The following FBXO8 variants were observed in gnomAD, a reference collection of about 807,000 sequenced individuals.
FBXO8 encodes F-box protein 8, also known as F-box only protein 8.
In FBXO8, 15 loss-of-function variants were observed where a neutral mutation model predicts 33.4. The ratio of observed to expected loss-of-function variants is 0.45; its 90% CI spans 0.30 to 0.69. FBXO8 has a LOEUF of 0.69. Among genes scored for constraint, FBXO8 ranks in the 30% least tolerant of loss-of-function variants. The probability of loss-of-function intolerance (pLI) is 0.08; values close to 1 mark genes in which losing one functional copy is unlikely to be tolerated. For synonymous variants in FBXO8, 132 were observed against 131.5 expected, an observed-to-expected ratio of 1.00 and a Z score of -0.02; for missense variants, 274 against 380.3, an observed-to-expected ratio of 0.72 and a Z score of 2.32.
chr4:174,279,249 T>C (rs942624606), intron 1 of FBXO8, among the ~76,000 whole-genome samples: 5 of 151,878 alleles, frequency 3.3e-5, no homozygotes, highest in African/African-American at 9.7e-5. Context: ...AAAAGGAAAT[T>C]AAGAAAATAA....
chr4:174,275,307 G>T lies in FBXO8; in HGVS notation c.-9+8103C>A, dbSNP rs1736935144. Among the ~76,000 whole-genome samples the T allele has an allele frequency of 6.6e-6, 1 of 152,096 alleles. No homozygotes were observed. The highest frequency in any genetic ancestry group is 2.1e-4 in the South Asian group (1 of 4,832). On this transcript the variant is annotated intron_variant, in intron 1 of 5. Coordinates refer to ENST00000393674, the MANE Select transcript of FBXO8 (RefSeq NM_012180.3). This position sits in a 1 kb window ranked among gnomAD's most constrained non-coding sequence, Gnocchi z 4.4. ...ATCTTGACTATGGTGCTGGATATGTGAACTTGCACAGAACTTCATACACAC... is the reference window on the plus strand; with the variant it reads ...ATCTTGACTATGGTGCTGGATATGTTAACTTGCACAGAACTTCATACACAC...
At chr4:174,266,206 C>T (rs972939031) in intron 1 of FBXO8, among the ~76,000 whole-genome samples, 3 of 151,806 alleles carry the variant, frequency 2.0e-5, no homozygotes, top group Admixed American at 6.6e-5. Flanking sequence ...AGAAAGCATC[C>T]GGCAGGTAGA....
Position 174,256,072 on chromosome 4 carries a change from G to A in FBXO8, c.456+3627C>T, listed in dbSNP as rs1385354486. ...TCCCCCACCCCATGAGCCACTGCCA[G>A]CAGCTGCTGTGGAGCTTGGTTACCC... On this transcript the variant is annotated intron_variant, in intron 3 of 5. Coordinates refer to ENST00000393674, the MANE Select transcript of FBXO8 (RefSeq NM_012180.3). This position sits in a 1 kb window ranked among gnomAD's most constrained non-coding sequence, Gnocchi z 4.6. The A allele has an allele frequency of 6.6e-6, 3 of 455,900 alleles. No individual in the cohort carries two copies. Among genetic ancestry groups the A allele is most frequent in the East Asian group, 6.9e-5 (1 of 14,402 alleles). 28.2% of individuals were successfully genotyped at this position (455,900 alleles called of 1,614,324 possible).
Position 174,262,952 on chromosome 4 carries a change from G to A in FBXO8, c.141C>T (p.Val47=), listed in dbSNP as rs775897824. 8 of 1,613,964 alleles carry A rather than the reference G, an allele frequency of 5.0e-6. No individual in the cohort carries two copies. The highest frequency in any genetic ancestry group is 3.3e-5 in the Admixed American group (2 of 60,000). The stretch of plus-strand genomic sequence containing the variant: ...GATGATATATGTCAATGCCTCCTTG[G>A]ACTTGTTTACGATGATTGGTGTTAG... ...NISNTNHRKQ[V]QGGIDIYHLL... Residue 47 remains valine (V), a synonymous_variant, in exon 2 of 6, where the codon GTC becomes GTT. Coordinates refer to ENST00000393674, the MANE Select transcript of FBXO8 (RefSeq NM_012180.3). This position sits in a 1 kb window ranked among gnomAD's most constrained non-coding sequence, Gnocchi z 4.6.
chr4:174,261,353 T>G lies in FBXO8; in HGVS notation c.329+1411A>C, dbSNP rs759936710. On this transcript the variant is annotated intron_variant, in intron 2 of 5. Coordinates refer to ENST00000393674, the MANE Select transcript of FBXO8 (RefSeq NM_012180.3). The surrounding 1 kb of genome is among the most constrained non-coding windows in gnomAD (Gnocchi z 4.1). ...AATCCAAGTATTATAAAAATAGGCA[T>G]AATTATGGCAAATATTTCTTTCACA... Among the ~76,000 whole-genome samples, 2 of 151,940 alleles carry G rather than the reference T, an allele frequency of 1.3e-5. No homozygotes were observed. Among genetic ancestry groups the G allele is most frequent in the Non-Finnish European group, 2.9e-5 (2 of 67,846 alleles).
At chr4:174,282,995 G>C (rs1039280336) in intron 1 of FBXO8, among the ~76,000 whole-genome samples, 8 of 152,156 alleles carry the variant, frequency 5.3e-5, no homozygotes, top group African/African-American at 1.9e-4. Context: ...AACTATACTT[G>C]TGTTTGCATT....
At position 174,265,579 on chromosome 4, in the gene FBXO8, T is replaced by C. The variant is rs2126440275; in HGVS notation, c.-8-2479A>G. Among the ~76,000 whole-genome samples, 1 of 152,280 alleles carries C rather than the reference T, an allele frequency of 6.6e-6. No individual in the cohort carries two copies. Among genetic ancestry groups the C allele is most frequent in the African/African-American group, 2.4e-5 (1 of 41,576 alleles). ...ATGGAGGAACTTTAAGTGCCTATTA[T>C]TAATGTTAAGTAAAAGAAGCAAATC... On this transcript the variant is annotated intron_variant, in intron 1 of 5. Transcript: ENST00000393674. This position sits in a 1 kb window ranked among gnomAD's most constrained non-coding sequence, Gnocchi z 4.7.
intron 1 of FBXO8, among the ~76,000 whole-genome samples, chr4:174,276,097 T>C (rs1015202075): frequency 6.6e-6 from 1 of 152,226 alleles, no homozygotes; most frequent in Non-Finnish European, 1.5e-5. Context: ...AAAATGCTTC[T>C]ACTTATTAAA....
rs540003066 is a variant in FBXO8, at chr4:174,251,057, T to C, written c.456+8642A>G. ...GCTCAATGTACCACTGTAAAGTCTC[T>C]AGTTACAATTACTTAAATTGCTAAC... is the stretch of plus-strand genomic sequence containing the variant. On this transcript the variant is annotated intron_variant, in intron 3 of 5. Coordinates refer to ENST00000393674, the MANE Select transcript of FBXO8 (RefSeq NM_012180.3). This position sits in a 1 kb window ranked among gnomAD's most constrained non-coding sequence, Gnocchi z 4.2. Among the ~76,000 whole-genome samples, 2 of 152,280 alleles carry C rather than the reference T, an allele frequency of 1.3e-5. No homozygotes were observed. Among genetic ancestry groups the C allele is most frequent in the East Asian group, 3.9e-4 (2 of 5,192 alleles).
At chr4:174,279,637 G>A (rs1008432632) in intron 1 of FBXO8, among the ~76,000 whole-genome samples, 2 of 151,948 alleles carry the variant, frequency 1.3e-5, no homozygotes, top group Non-Finnish European at 2.9e-5. Flanking sequence ...GTATGGTATT[G>A]GCATAAAAAG....
At chr4:174,243,631 C>T (rs1229789814) in intron 3 of FBXO8, among the ~76,000 whole-genome samples, 1 of 150,490 alleles carries the variant, frequency 6.6e-6, no homozygotes, top group African/African-American at 2.4e-5. Context: ...TGAATAACTA[C>T]ATATTTGTTT....
In FBXO8 at chr4:174,245,650, T is replaced by C. The variant is rs1332769733; in HGVS notation, c.457-4432A>G. ...AACCTGATGAAGCAATGGGCTATAA[T>C]GTGAATTTGGCAGCAATATAAAGAT... On this transcript the variant is annotated intron_variant, in intron 3 of 5. Coordinates refer to ENST00000393674, the MANE Select transcript of FBXO8 (RefSeq NM_012180.3). This position sits in a 1 kb window ranked among gnomAD's most constrained non-coding sequence, Gnocchi z 4.6. 6.6e-6 allele frequency among the ~76,000 whole-genome samples: 1 copy of C among 151,836 alleles called. No individual in the cohort carries two copies. Among genetic ancestry groups the C allele is most frequent in the African/African-American group, 2.4e-5 (1 of 41,392 alleles).
At chr4:174,280,549 A>T (rs1440153589) in intron 1 of FBXO8, among the ~76,000 whole-genome samples, 1 of 152,196 alleles carries the variant, frequency 6.6e-6, no homozygotes, top group Non-Finnish European at 1.5e-5. Context: ...TGTTCATAGC[A>T]GCATTATTCA....
In FBXO8 at chr4:174,253,815, T is replaced by C. The variant is rs1736353795; in HGVS notation, c.456+5884A>G. Among the ~76,000 whole-genome samples the C allele has an allele frequency of 6.6e-6, 1 of 152,222 alleles. No homozygotes were observed. Among genetic ancestry groups the C allele is most frequent in the African/African-American group, 2.4e-5 (1 of 41,462 alleles). ...AAAAGATTTTTCTCCCTAATAAGTA[T>C]AAGGAATATGAGGAGAAAGCTTCTT... On this transcript the variant is annotated intron_variant, in intron 3 of 5. Transcript: ENST00000393674. The surrounding 1 kb of genome is among the most constrained non-coding windows in gnomAD (Gnocchi z 4.5).
At chr4:174,239,257 A>T in intron 4 of FBXO8, 67 bp from the exon 5 acceptor site, 4 of 1,169,608 alleles carry the variant, frequency 3.4e-6, no homozygotes, top group Non-Finnish European at 4.7e-6. Flanking sequence ...TAAGAAAAAT[A>T]ACAAATTTCC....
At chr4:174,264,437 G>C (rs1315540311) in intron 1 of FBXO8, among the ~76,000 whole-genome samples, 2 of 152,084 alleles carry the variant, frequency 1.3e-5, no homozygotes, top group Non-Finnish European at 2.9e-5. Flanking sequence ...AGAATCCATA[G>C]GGATTTTATT....
In FBXO8 at chr4:174,275,761, A is replaced by G. The variant is rs116718389; in HGVS notation, c.-9+7649T>C. On this transcript the variant is annotated intron_variant, in intron 1 of 5. Transcript: ENST00000393674. The surrounding 1 kb of genome is among the most constrained non-coding windows in gnomAD (Gnocchi z 4.4). Reference sequence around the variant, plus strand: ...TTGGGAATCCAACTAATTGTGAAAAATCTACAACCTATGAATCATCTCTCA... The same window carrying G: ...TTGGGAATCCAACTAATTGTGAAAAGTCTACAACCTATGAATCATCTCTCA... Among the ~76,000 whole-genome samples, 1,132 of 152,320 alleles carry G rather than the reference A, an allele frequency of 7.4e-3. 18 individuals carry two copies. The highest frequency in any genetic ancestry group is 0.025 in the African/African-American group (1,058 of 41,572).
At chr4:174,243,390 G>A (rs915133386) in intron 3 of FBXO8, among the ~76,000 whole-genome samples, 6 of 150,946 alleles carry the variant, frequency 4.0e-5, no homozygotes, top group Admixed American at 4.0e-4. Context: ...ACTTTAGAAG[G>A]GCTACCAAAG....
chr4:174,268,657 C>A (rs941025660), intron 1 of FBXO8, among the ~76,000 whole-genome samples: 1 of 152,126 alleles, frequency 6.6e-6, no homozygotes, highest in Admixed American at 6.5e-5. Flanking sequence ...AGGATGGTCT[C>A]CATCTCCTGA....
Sources: gnomAD v4.1 joint callset for allele counts (sites outside exome capture counted in the v4.1 genomes callset) on GRCh38, gnomAD v4.1.1 for gene constraint, Gnocchi (gnomAD v3.1) non-coding constraint, MANE v1.5 for transcripts, NCBI Gene and HGNC (gene_info 2026-07-23, HGNC 2026-07-21) for gene names.